The following FOXJ1 variants were observed in gnomAD, a reference collection of about 807,000 sequenced individuals.
FOXJ1 encodes forkhead box protein J1.
Under a neutral mutation model 29.3 loss-of-function variants are expected in FOXJ1, and 8 were observed. That is an observed-to-expected ratio of 0.27 (90% CI 0.16 to 0.49). The LOEUF (loss-of-function observed/expected upper bound fraction) is 0.49. Among genes scored for constraint, FOXJ1 ranks in the 20% least tolerant of loss-of-function variants. FOXJ1 has a pLI of 0.98. For synonymous variants in FOXJ1, 280 were observed against 278.7 expected (o/e 1.00, Z -0.05); for missense variants, 539 against 595.5 (o/e 0.91, Z 0.99).
At position 76,137,935 on chromosome 17, in the gene FOXJ1, G is replaced by A. The variant is rs775340485; in HGVS notation, c.684C>T (p.Ala228=). ...GGGGGACAGCGCTGGGCTCCTGCGCGGCCTGGCGGGCAAAGGCTGGGTGGA... is the reference window on the plus strand; with the variant it reads ...GGGGGACAGCGCTGGGCTCCTGCGCAGCCTGGCGGGCAAAGGCTGGGTGGA... ...VHIHPAFARQ[A]AQEPSAVPRA... Residue 228 remains alanine (A), a synonymous_variant, in exon 3 of 3, where the codon GCC becomes GCT. Coordinates refer to ENST00000322957, the MANE Select transcript of FOXJ1 (RefSeq NM_001454.4). The surrounding 1 kb of genome is among the most constrained non-coding windows in gnomAD (Gnocchi z 9.5). 2.0e-5 allele frequency: 32 copies of A among 1,576,068 alleles called. No individual in the cohort carries two copies. Among genetic ancestry groups the A allele is most frequent in the African/African-American group, 1.3e-4 (10 of 74,318 alleles).
intron 2 of FOXJ1, among the ~76,000 whole-genome samples, chr17:76,138,962 T>C (rs2068498366): frequency 6.6e-6 from 1 of 152,220 alleles, no homozygotes; most frequent in Non-Finnish European, 1.5e-5. Context: ...TTGATGGTGA[T>C]GGCTGAAGAC....
chr17:76,140,006 G>C lies in FOXJ1; in HGVS notation c.390C>G (p.Ile130Met). 1 of 1,613,700 alleles carries C rather than the reference G, an allele frequency of 6.2e-7. No homozygotes were observed. The highest frequency in any genetic ancestry group is 8.5e-7 in the Non-Finnish European group (1 of 1,179,956). ...CCTTGCTGGCCTGCATGGCCATGCA[G>C]ATGAGCGTGGCATACGAGTAGGGAG... ...VKPPYSYATLICMAMQASKAT... is the reference protein window; with the variant it reads ...VKPPYSYATLMCMAMQASKAT... Residue 130 changes from isoleucine to methionine, a missense_variant, in exon 2 of 3, where the codon ATC becomes ATG. By Grantham distance (10) the Ile-to-Met change is conservative. Coordinates refer to ENST00000322957, the MANE Select transcript of FOXJ1 (RefSeq NM_001454.4). This position sits in a 1 kb window ranked among gnomAD's most constrained non-coding sequence, Gnocchi z 8.0.
chr17:76,137,474 A>T lies in FOXJ1; in HGVS notation c.1145T>A (p.Leu382Gln). 6.4e-7 allele frequency: 1 copy of T among 1,571,820 alleles called. No homozygotes were observed. Among genetic ancestry groups the T allele is most frequent in the African/African-American group, 1.3e-5 (1 of 74,198 alleles). ...FDETFLATSFLQHPWDESGSG... is the reference protein window; with the variant it reads ...FDETFLATSFQQHPWDESGSG... ...GCCGCTCTCGTCCCAGGGGTGCTGCAGGAAGGATGTGGCCAGGAAGGTCTC... is the reference window on the plus strand; with the variant it reads ...GCCGCTCTCGTCCCAGGGGTGCTGCTGGAAGGATGTGGCCAGGAAGGTCTC... Residue 382 changes from leucine (L) to glutamine (Q), a missense_variant, in exon 3 of 3, where the codon CTG becomes CAG. Around this residue, in one of 3 missense-constraint regions of FOXJ1, gnomAD observed 302 missense variants for 293.6 expected, o/e 1.03. Coordinates refer to ENST00000322957, the MANE Select transcript of FOXJ1 (RefSeq NM_001454.4). This position sits in a 1 kb window ranked among gnomAD's most constrained non-coding sequence, Gnocchi z 9.5.
chr17:76,137,968 A>G lies in FOXJ1; in HGVS notation c.651T>C (p.Pro217=), dbSNP rs1174073024. 6.3e-7 allele frequency: 1 copy of G among 1,598,374 alleles called. No homozygotes were observed. Among genetic ancestry groups the G allele is most frequent in the East Asian group, 2.2e-5 (1 of 44,566 alleles). ...SGAFKKRRLP[P]VHIHPAFARQ... is the part of the protein sequence containing the mutation. ...GGGCAAAGGCTGGGTGGATGTGGAC[A>G]GGGGGCAGTCGCCGCTTCTTGAAAG... is the stretch of plus-strand genomic sequence containing the variant. Residue 217 remains proline (P), a synonymous_variant, in exon 3 of 3, where the codon CCT becomes CCC. Coordinates refer to ENST00000322957, the MANE Select transcript of FOXJ1 (RefSeq NM_001454.4). This position sits in a 1 kb window ranked among gnomAD's most constrained non-coding sequence, Gnocchi z 9.5.
At position 76,140,340 on chromosome 17, in the gene FOXJ1, G is replaced by C; in HGVS notation, c.56C>G (p.Pro19Arg). ...SGAGPAEEAG[P>R]EGGLEEPDAL... ...GTCGGGCTCCTCCAGGCCGCCCTCCGGCCCGGCCTCCTCCGCCGGCCCGGC... is the reference window on the plus strand; with the variant it reads ...GTCGGGCTCCTCCAGGCCGCCCTCCCGCCCGGCCTCCTCCGCCGGCCCGGC... The change falls in exon 2 of 3, where the codon CCG (proline) becomes CGG (arginine). Residue 19 changes from proline (P) to arginine (R), a missense_variant. Around this residue, in one of 3 missense-constraint regions of FOXJ1, gnomAD observed 59 missense variants for 47.5 expected, o/e 1.24. Transcript: ENST00000322957. The surrounding 1 kb of genome is among the most constrained non-coding windows in gnomAD (Gnocchi z 8.0). 6.7e-7 allele frequency: 1 copy of C among 1,498,928 alleles called. No individual in the cohort carries two copies. Among genetic ancestry groups the C allele is most frequent in the East Asian group, 2.7e-5 (1 of 37,114 alleles). The allele number at this position is 1,498,928 out of a possible 1,614,324, so 92.9% of individuals were successfully genotyped here.
rs1250598296 is a variant in FOXJ1 at position 76,140,401 on chromosome 17, C to T, written c.-6G>A. 2.8e-6 allele frequency: 4 copies of T among 1,449,290 alleles called. No homozygotes were observed. Among genetic ancestry groups the T allele is most frequent in the East Asian group, 2.9e-5 (1 of 34,388 alleles). The allele number at this position is 1,449,290 out of a possible 1,614,324, so 89.8% of individuals were successfully genotyped here. On this transcript the variant is annotated 5_prime_UTR_variant, in exon 2 of 3. Coordinates refer to ENST00000322957, the MANE Select transcript of FOXJ1 (RefSeq NM_001454.4). This position sits in a 1 kb window ranked among gnomAD's most constrained non-coding sequence, Gnocchi z 8.0. ...CGCAGCCAGCTCTCCGCCATGTCTGCGGGGACTCTCCGAGGGGGCGGTCAG... is the reference window on the plus strand; with the variant it reads ...CGCAGCCAGCTCTCCGCCATGTCTGTGGGGACTCTCCGAGGGGGCGGTCAG...
At position 76,140,059 on chromosome 17, in the gene FOXJ1, C is replaced by T; in HGVS notation, c.337G>A (p.Asp113Asn). The T allele has an allele frequency of 1.2e-6, 2 of 1,609,144 alleles. No homozygotes were observed. Among genetic ancestry groups the T allele is most frequent in the Non-Finnish European group, 1.7e-6 (2 of 1,179,904 alleles). The change falls in exon 2 of 3, where the codon GAC (aspartate) becomes AAC (asparagine). Residue 113 changes from aspartate (D) to asparagine (N), a missense_variant. Asp to Asn is a conservative substitution (Grantham distance 23). This residue lies in a region of FOXJ1 where 178 missense variants were observed against 254.4 expected (regional missense o/e 0.70). Transcript: ENST00000322957. The surrounding 1 kb of genome is among the most constrained non-coding windows in gnomAD (Gnocchi z 8.0). ...TTCACGTGCGGATTGGTGGCGTAGTCCACGTCGTCGGGGGGTGGGGCCTGC... is the reference window on the plus strand; with the variant it reads ...TTCACGTGCGGATTGGTGGCGTAGTTCACGTCGTCGGGGGGTGGGGCCTGC... Reference protein sequence around the residue: ...GLQAPPPDDVDYATNPHVKPP... With the variant: ...GLQAPPPDDVNYATNPHVKPP...
At position 76,137,524 on chromosome 17, in the gene FOXJ1, C is replaced by T. The variant is rs759753578; in HGVS notation, c.1095G>A (p.Gln365=). The T allele has an allele frequency of 6.3e-7, 1 of 1,592,258 alleles. No homozygotes were observed. Among genetic ancestry groups the T allele is most frequent in the Non-Finnish European group, 8.5e-7 (1 of 1,169,782 alleles). ...CATCGAAGTCCAGGCTGTCGGCAGC[C>T]TGCTCCACCGAAGGCCCCCAGGTGG... ...CPATWGPSVE[Q]AADSLDFDET... is the part of the protein sequence containing the mutation. The change falls in exon 3 of 3, where the codon CAG becomes CAA. Residue 365 remains glutamine (Q), a synonymous_variant. Coordinates refer to ENST00000322957, the MANE Select transcript of FOXJ1 (RefSeq NM_001454.4). The surrounding 1 kb of genome is among the most constrained non-coding windows in gnomAD (Gnocchi z 9.5).
chr17:76,138,244 G>T (rs1470762242), intron 2 of FOXJ1, 124 bp from the exon 3 acceptor site: 2 of 1,065,704 alleles, frequency 1.9e-6, no homozygotes, highest in African/African-American at 1.6e-5. Context: ...AGGAGGGGGG[G>T]ACAGACACAC....
rs2068517731 is a variant in FOXJ1, at chr17:76,141,219, C to CT, written c.-276_-275insA. ...CGGGGGCCCTGCCAGCGCCTCTTGCCGCCCCCCCGCCCGACGGCGCTTCTC... is the reference window on the plus strand; with the variant it reads ...CGGGGGCCCTGCCAGCGCCTCTTGCCTGCCCCCCCGCCCGACGGCGCTTCTC... On this transcript the variant is annotated 5_prime_UTR_variant, in exon 1 of 3. Transcript: ENST00000322957. The surrounding 1 kb of genome is among the most constrained non-coding windows in gnomAD (Gnocchi z 4.2). The CT allele has an allele frequency of 6.6e-6, 1 of 151,786 alleles. No individual in the cohort carries two copies. Among genetic ancestry groups the CT allele is most frequent in the African/African-American group, 2.4e-5 (1 of 40,882 alleles). 9.4% of individuals were successfully genotyped at this position (151,786 alleles called of 1,614,324 possible).
In FOXJ1 at chr17:76,136,669, C is replaced by G. The variant is rs2144760626; in HGVS notation, c.*684G>C. 6.6e-6 allele frequency: 1 copy of G among 152,038 alleles called. No homozygotes were observed. The highest frequency in any genetic ancestry group is 1.9e-4 in the East Asian group (1 of 5,158). 9.4% of individuals were successfully genotyped at this position (152,038 alleles called of 1,614,324 possible). On this transcript the variant is annotated 3_prime_UTR_variant, in exon 3 of 3. Coordinates refer to ENST00000322957, the MANE Select transcript of FOXJ1 (RefSeq NM_001454.4). This position sits in a 1 kb window ranked among gnomAD's most constrained non-coding sequence, Gnocchi z 4.9. ...CCAAACTTCCAGCTGCTCTCAGCCT[C>G]AAGTCGGGCTTAAAGATTAGGGATT...
chr17:76,137,202 C>G lies in FOXJ1; in HGVS notation c.*151G>C. ...CTCCTGGGCTTGAATCTGATGGCAG[C>G]TGGGGCTGGTGGCCATGTGGCCTCT... On this transcript the variant is annotated 3_prime_UTR_variant, in exon 3 of 3. Transcript: ENST00000322957. This position sits in a 1 kb window ranked among gnomAD's most constrained non-coding sequence, Gnocchi z 9.5. 2 of 633,208 alleles carry G rather than the reference C, an allele frequency of 3.2e-6. No individual in the cohort carries two copies. Among genetic ancestry groups the G allele is most frequent in the Non-Finnish European group, 4.9e-6 (2 of 409,140 alleles). The allele number at this position is 633,208 out of a possible 1,614,324, so 39.2% of individuals were successfully genotyped here.
At position 76,140,601 on chromosome 17, in the gene FOXJ1, C is replaced by T. The variant is rs2068510620; in HGVS notation, c.-169-37G>A. 2 of 507,600 alleles carry T rather than the reference C, an allele frequency of 3.9e-6. No homozygotes were observed. The highest frequency in any genetic ancestry group is 3.5e-5 in the East Asian group (1 of 28,250). 31.4% of individuals were successfully genotyped at this position (507,600 alleles called of 1,614,324 possible). Reference sequence around the variant, plus strand: ...ACGGTGGGAGCTGAGCACTACCCCACCCCCGAGGGGACAGTGTGTGTACGG... The same window carrying T: ...ACGGTGGGAGCTGAGCACTACCCCATCCCCGAGGGGACAGTGTGTGTACGG... On this transcript the variant is annotated intron_variant, in intron 1 of 2. Transcript: ENST00000322957. The surrounding 1 kb of genome is among the most constrained non-coding windows in gnomAD (Gnocchi z 8.0).
At position 76,136,555 on chromosome 17, in the gene FOXJ1, T is replaced by C. The variant is rs2068480902; in HGVS notation, c.*798A>G. 6.6e-6 allele frequency: 1 copy of C among 152,192 alleles called. No homozygotes were observed. The highest frequency in any genetic ancestry group is 1.5e-5 in the Non-Finnish European group (1 of 68,154). 9.4% of individuals were successfully genotyped at this position (152,192 alleles called of 1,614,324 possible). A position where few individuals can be genotyped will look rare whatever the true frequency, so the allele number is the denominator to read the frequency against. ...CCAGCAAGCTCGGCATCCCTCCCAG[T>C]TAAGCCTCAGCTACAGCTACACTCA... On this transcript the variant is annotated 3_prime_UTR_variant, in exon 3 of 3. Transcript: ENST00000322957. This position sits in a 1 kb window ranked among gnomAD's most constrained non-coding sequence, Gnocchi z 4.9.
At position 76,137,890 on chromosome 17, in the gene FOXJ1, C is replaced by A; in HGVS notation, c.729G>T (p.Val243=). ...SAVPRAGPLT[V]NTEAQQLLRE... ...GCAGCAGCTGCTGGGCCTCGGTATTCACCGTCAGCGGCCCGGCCCGGGGGA... is the reference window on the plus strand; with the variant it reads ...GCAGCAGCTGCTGGGCCTCGGTATTAACCGTCAGCGGCCCGGCCCGGGGGA... Residue 243 remains valine, a synonymous_variant, in exon 3 of 3, where the codon GTG becomes GTT. Coordinates refer to ENST00000322957, the MANE Select transcript of FOXJ1 (RefSeq NM_001454.4). The surrounding 1 kb of genome is among the most constrained non-coding windows in gnomAD (Gnocchi z 9.5). 6.4e-7 allele frequency: 1 copy of A among 1,574,238 alleles called. No homozygotes were observed.
rs147874681 is a variant in FOXJ1 at position 76,137,668 on chromosome 17, G to A, written c.951C>T (p.Ala317=). ...CACCCAGCTCCCCGCCCAGAGTGCC[G>A]GCGTCGAAGATGGCCTCCCAGTCAA... is the stretch of plus-strand genomic sequence containing the variant. The part of the protein sequence containing the change: ...GNFDWEAIFD[A]GTLGGELGAL... Residue 317 remains alanine (A), a synonymous_variant, in exon 3 of 3, where the codon GCC becomes GCT. Transcript: ENST00000322957. The surrounding 1 kb of genome is among the most constrained non-coding windows in gnomAD (Gnocchi z 9.5). The A allele has an allele frequency of 4.9e-5, 79 of 1,612,128 alleles. No homozygotes were observed. The highest frequency in any genetic ancestry group is 2.3e-4 in the African/African-American group (17 of 75,026).
Position 76,137,292 on chromosome 17 carries a change from T to TG in FOXJ1, c.*60dup. ...TGGTGGGGTGTCTGTGGACCTGTGT[T>TG]GGGGGGCAGTTCTGGACCCTGACTT... is the stretch of plus-strand genomic sequence containing the variant. On this transcript the variant is annotated 3_prime_UTR_variant, in exon 3 of 3. Transcript: ENST00000322957. The surrounding 1 kb of genome is among the most constrained non-coding windows in gnomAD (Gnocchi z 9.5). 3 of 1,373,810 alleles carry TG rather than the reference T, an allele frequency of 2.2e-6. No individual in the cohort carries two copies. The highest frequency in any genetic ancestry group is 2.8e-6 in the Non-Finnish European group (3 of 1,052,746). 85.1% of individuals were successfully genotyped at this position (1,373,810 alleles called of 1,614,324 possible).
Position 76,140,642 on chromosome 17 carries a change from C to A in FOXJ1, c.-169-78G>T, listed in dbSNP as rs1337774954. ...GTGTGTACGGGGACGCCCTCTCTAA[C>A]ATCATCCCCGCAGCTGGGGAGGATC... On this transcript the variant is annotated intron_variant, in intron 1 of 2. Transcript: ENST00000322957. This position sits in a 1 kb window ranked among gnomAD's most constrained non-coding sequence, Gnocchi z 8.0. 6 of 455,374 alleles carry A rather than the reference C, an allele frequency of 1.3e-5. No homozygotes were observed. 28.2% of individuals were successfully genotyped at this position (455,374 alleles called of 1,614,324 possible).
In FOXJ1 at chr17:76,140,355, G is replaced by T; in HGVS notation, c.41C>A (p.Ala14Glu). ...SWLRLSGAGP[A>E]EEAGPEGGLE... Reference sequence around the variant, plus strand: ...GCCGCCCTCCGGCCCGGCCTCCTCCGCCGGCCCGGCTCCCGAGAGGCGCAG... The same window carrying T: ...GCCGCCCTCCGGCCCGGCCTCCTCCTCCGGCCCGGCTCCCGAGAGGCGCAG... Residue 14 changes from alanine to glutamate, a missense_variant, in exon 2 of 3, where the codon GCG (alanine) becomes GAG (glutamate). Transcript: ENST00000322957. This position sits in a 1 kb window ranked among gnomAD's most constrained non-coding sequence, Gnocchi z 8.0. 2 of 1,494,524 alleles carry T rather than the reference G, an allele frequency of 1.3e-6. No homozygotes were observed. The allele number at this position is 1,494,524 out of a possible 1,614,324, so 92.6% of individuals were successfully genotyped here. A position where few individuals can be genotyped will look rare whatever the true frequency, so the allele number is the denominator to read the frequency against.
Sources: gnomAD v4.1 joint callset for allele counts (sites outside exome capture counted in the v4.1 genomes callset) on GRCh38, gnomAD v4.1.1 for gene constraint, gnomAD v4.1.1 regional missense constraint, Gnocchi (gnomAD v3.1) non-coding constraint, MANE v1.5 for transcripts, NCBI Gene and HGNC (gene_info 2026-07-23, HGNC 2026-07-21) for gene names.